The following SPINK14 variants were observed in gnomAD, a reference collection of about 807,000 sequenced individuals.
The protein encoded by SPINK14 is serine peptidase inhibitor Kazal type 14 (putative), also known as serine protease inhibitor Kazal-type 14.
A neutral mutation model predicts 14.2 loss-of-function variants in SPINK14; 6 were observed. The ratio of observed to expected loss-of-function variants is 0.42; its 90% CI spans 0.23 to 0.83. The LOEUF is 0.83. Among genes scored for constraint, SPINK14 ranks in the 40% least tolerant of loss-of-function variants. SPINK14 has a pLI of 0.28. For synonymous variants in SPINK14, 34 were observed against 36.8 expected, an observed-to-expected ratio of 0.92 and a Z score of 0.27; for missense variants, 86 against 108.3, an observed-to-expected ratio of 0.79 and a Z score of 0.91.
intron 1 of SPINK14, among the ~76,000 whole-genome samples, 137 bp downstream of exon 1, chr5:148,168,704 G>T (rs1755062269): frequency 6.6e-6 from 1 of 152,062 alleles, no homozygotes; most frequent in Admixed American, 6.6e-5. Flanking sequence ...TGAGATGGGG[G>T]TGTGTTTAGC....
At chr5:148,173,232 T>C (rs1561721482) in intron 3 of SPINK14, among the ~76,000 whole-genome samples, 1 of 152,078 alleles carries the variant, frequency 6.6e-6, no homozygotes, top group African/African-American at 2.4e-5. Flanking sequence ...ATTTTATCTG[T>C]ACCAATCTCA....
At chr5:148,172,803 G>C (rs897612742) in intron 3 of SPINK14, among the ~76,000 whole-genome samples, 2 of 139,586 alleles carry the variant, frequency 1.4e-5, no homozygotes, top group African/African-American at 5.5e-5. Flanking sequence ...GTTATGACAC[G>C]TCAGAAGACC....
intron 3 of SPINK14, among the ~76,000 whole-genome samples, chr5:148,172,790 G>T (rs568309700): frequency 3.6e-4 from 35 of 96,944 alleles, no homozygotes; most frequent in Admixed American, 6.3e-4. Flanking sequence ...ATTTGGTGGG[G>T]TGGTTATGAC....
At chr5:148,173,449 T>C (rs978071615) in intron 3 of SPINK14, among the ~76,000 whole-genome samples, 5 of 152,070 alleles carry the variant, frequency 3.3e-5, no homozygotes, top group African/African-American at 1.2e-4. Context: ...CTTAGTGATC[T>C]TGCACTTTAC....
chr5:148,175,337 C>T lies in SPINK14; in HGVS notation c.249-16C>T. The T allele has an allele frequency of 6.5e-7, 1 of 1,537,464 alleles. No individual in the cohort carries two copies. Among genetic ancestry groups the T allele is most frequent in the Non-Finnish European group, 8.9e-7 (1 of 1,118,360 alleles). On this transcript the variant is annotated splice_polypyrimidine_tract_variant and intron_variant, in intron 4 of 4. Coordinates refer to ENST00000356972, the MANE Select transcript of SPINK14 (RefSeq NM_001001325.2). ...TGTATTACTAAATGAAATGTTTATTCTGATTCTTCCTTTAGGAAATCTCAT... is the reference window on the plus strand; with the variant it reads ...TGTATTACTAAATGAAATGTTTATTTTGATTCTTCCTTTAGGAAATCTCAT...
intron 3 of SPINK14, among the ~76,000 whole-genome samples, chr5:148,171,529 C>T (rs1755105689): frequency 6.6e-6 from 1 of 152,044 alleles, no homozygotes; most frequent in African/African-American, 2.4e-5. Context: ...ATGAGCACTG[C>T]ATATAATGTG....
intron 3 of SPINK14, 86 bp downstream of exon 3, chr5:148,171,059 C>A (rs1157178697): frequency 7.0e-6 from 9 of 1,277,494 alleles, no homozygotes; most frequent in Non-Finnish European, 1.0e-5. Flanking sequence ...AAACTTAATG[C>A]CTCAAGGTCA....
rs1406561887 is a variant in SPINK14 at position 148,175,276 on chromosome 5, T to A, written c.249-77T>A. The A allele has an allele frequency of 9.3e-5, 87 of 939,152 alleles. No individual in the cohort carries two copies. The Admixed American group carries it at 2.0e-3, about 21-fold the overall frequency. The allele number at this position is 939,152 out of a possible 1,614,324, so 58.2% of individuals were successfully genotyped here. A position where few individuals can be genotyped will look rare whatever the true frequency, so the allele number is the denominator to read the frequency against. ...TCCAAATATAAAACCAGGTTTTAGA[T>A]AGATAATTTTAAAAGTATTTGTTTA... On this transcript the variant is annotated intron_variant, in intron 4 of 4. Transcript: ENST00000356972.
intron 3 of SPINK14, 102 bp downstream of exon 3, chr5:148,171,075 A>T: frequency 9.2e-7 from 1 of 1,085,090 alleles, no homozygotes. Flanking sequence ...GGTCACCCGT[A>T]ATAGTCTTCA....
At chr5:148,172,068 G>T (rs1451120187) in intron 3 of SPINK14, among the ~76,000 whole-genome samples, 3 of 152,066 alleles carry the variant, frequency 2.0e-5, no homozygotes, top group Non-Finnish European at 4.4e-5. Flanking sequence ...AAAAAAGGAA[G>T]AAACCAACTA....
chr5:148,170,444 C>G (rs976729592), intron 2 of SPINK14, among the ~76,000 whole-genome samples: 1 of 152,026 alleles, frequency 6.6e-6, no homozygotes, highest in Admixed American at 6.6e-5. Context: ...TTTGTGCCCT[C>G]TTCTAGAGAA....
At chr5:148,169,926 A>G (rs1755078288) in intron 2 of SPINK14, 127 bp downstream of exon 2, 1 of 468,446 alleles carries the variant, frequency 2.1e-6, no homozygotes, top group Non-Finnish European at 3.5e-6. Flanking sequence ...GTGTATATAT[A>G]TATAAATTAT....
Position 148,173,143 on chromosome 5 carries a change from G to C in SPINK14, c.112-1091G>C, listed in dbSNP as rs1755128791. ...TGGTGTTGAATAAAAAAAGAGGGAA[G>C]AGGAATTTCTAAGTTAAAACATGAC... is the stretch of plus-strand genomic sequence containing the variant. On this transcript the variant is annotated intron_variant, in intron 3 of 4. Coordinates refer to ENST00000356972, the MANE Select transcript of SPINK14 (RefSeq NM_001001325.2). 1.3e-5 allele frequency among the ~76,000 whole-genome samples: 2 copies of C among 151,978 alleles called. 1 individual carries two copies. Among genetic ancestry groups the C allele is most frequent in the Non-Finnish European group, 2.9e-5 (2 of 67,988 alleles).
At chr5:148,170,996 C>T in intron 3 of SPINK14, 23 bp downstream of exon 3, 2 of 1,608,472 alleles carry the variant, frequency 1.2e-6, no homozygotes, top group Non-Finnish European at 1.7e-6. Flanking sequence ...TAAATTTCCC[C>T]CCAGGACTTA....
chr5:148,170,912 T>C lies in SPINK14; in HGVS notation c.68-18T>C, dbSNP rs1755095890. The C allele has an allele frequency of 1.2e-6, 2 of 1,605,898 alleles. No homozygotes were observed. The highest frequency in any genetic ancestry group is 1.7e-6 in the Non-Finnish European group (2 of 1,173,290). The stretch of plus-strand genomic sequence containing the variant: ...TAACAGGAATTAAATTCTGTAACTA[T>C]TTTCATGTATTCTCTAGTTTCAGGC... On this transcript the variant is annotated intron_variant, in intron 2 of 4. Transcript: ENST00000356972.
chr5:148,175,093 C>T (rs1365949259), intron 4 of SPINK14, among the ~76,000 whole-genome samples: 2 of 35,206 alleles, frequency 5.7e-5, no homozygotes, highest in Admixed American at 4.2e-4. Flanking sequence ...ATCACAAACT[C>T]GGACCTGATT....
rs79284862 is a variant in SPINK14 at position 148,169,016 on chromosome 5, T to C, written c.-73+449T>C. Among the ~76,000 whole-genome samples, 1,098 of 152,270 alleles carry C rather than the reference T, an allele frequency of 7.2e-3. 47 individuals carry two copies. In the East Asian group the frequency reaches 0.13, roughly 18 times the overall value. On this transcript the variant is annotated intron_variant, in intron 1 of 4. Transcript: ENST00000356972. ...GCCCTGGAAACTGCAGTTTCCATTC[T>C]CTGGGGTCAGAAATGTTGCTACAAG...
chr5:148,170,429 T>C (rs1755089960), intron 2 of SPINK14, among the ~76,000 whole-genome samples: 1 of 152,094 alleles, frequency 6.6e-6, no homozygotes, highest in South Asian at 2.1e-4. Flanking sequence ...ACTGGACCAT[T>C]ATCTTTTGTG....
At chr5:148,174,921 C>T (rs1755148498) in intron 4 of SPINK14, among the ~76,000 whole-genome samples, 1 of 152,068 alleles carries the variant, frequency 6.6e-6, no homozygotes. Context: ...GAAAAATTTT[C>T]CCCATGGCAT....
Sources: allele counts gnomAD v4.1 joint callset (sites outside exome capture counted in the v4.1 genomes callset), GRCh38; gene constraint gnomAD v4.1.1; transcripts MANE v1.5; gene names NCBI Gene and HGNC (gene_info 2026-07-23, HGNC 2026-07-21).